The following TBC1D14 variants were observed in gnomAD, a reference collection of about 807,000 sequenced individuals.
The protein encoded by TBC1D14 is TBC1 domain family member 14, also known as TBC1 domain family, member 14.
Under a neutral mutation model 79.0 loss-of-function variants are expected in TBC1D14, and 26 were observed. The ratio of observed to expected loss-of-function variants is 0.33; its 90% confidence interval spans 0.24 to 0.46. The LOEUF is 0.46. Among genes scored for constraint, TBC1D14 ranks in the 20% least tolerant of loss-of-function variants. The probability of loss-of-function intolerance (pLI) is 1.00; values close to 1 mark genes in which losing one functional copy is unlikely to be tolerated. For missense variants in TBC1D14, 769 were observed against 887.6 expected, an observed-to-expected ratio of 0.87 and a Z score of 1.70; for synonymous variants, 394 against 349.9, an observed-to-expected ratio of 1.13 and a Z score of -1.40.
intron 3 of TBC1D14, among the ~76,000 whole-genome samples, chr4:6,977,689 A>C (rs1461724757): frequency 1.9e-4 from 17 of 89,208 alleles, no homozygotes; most frequent in South Asian, 4.7e-4. Context: ...CGTCTCTGCC[A>C]GGCCGCCATC....
At chr4:7,010,815 G>C in intron 11 of TBC1D14, 34 bp downstream of exon 11, 1 of 1,598,024 alleles carries the variant, frequency 6.3e-7, no homozygotes, top group African/African-American at 1.4e-5. Flanking sequence ...CCTGGGTACT[G>C]TGTCTTTAAA....
intron 8 of TBC1D14, among the ~76,000 whole-genome samples, chr4:7,005,401 G>C (rs942219871): frequency 6.6e-6 from 1 of 152,200 alleles, no homozygotes; most frequent in Admixed American, 6.5e-5. Context: ...CAGGTGTGGT[G>C]GTGGGTGCCT....
intron 2 of TBC1D14, among the ~76,000 whole-genome samples, chr4:6,936,288 A>G (rs184420668): frequency 2.0e-5 from 3 of 152,214 alleles, no homozygotes; most frequent in Non-Finnish European, 2.9e-5. Flanking sequence ...ACTGCCCCCA[A>G]ATCCTCTGTG....
intron 13 of TBC1D14, among the ~76,000 whole-genome samples, chr4:7,028,993 A>G (rs1722766254): frequency 6.6e-6 from 1 of 152,118 alleles, no homozygotes; most frequent in Non-Finnish European, 1.5e-5. Flanking sequence ...ATGTGCCATG[A>G]TACCCAGCCA....
chr4:7,030,265 G>C, intron 13 of TBC1D14, 62 bp from the exon 14 acceptor site: 1 of 1,542,354 alleles, frequency 6.5e-7, no homozygotes. Context: ...TCTCTGCTTC[G>C]CTGCTGTCAG....
At chr4:6,923,294 C>A in intron 1 of TBC1D14, 79 bp from the exon 2 acceptor site, 2 of 1,460,036 alleles carry the variant, frequency 1.4e-6, no homozygotes, top group Non-Finnish European at 1.8e-6. Flanking sequence ...TGAGATCAGA[C>A]CATTTCAGCT....
At chr4:6,946,011 G>A (rs1221807085) in intron 2 of TBC1D14, among the ~76,000 whole-genome samples, 1 of 152,168 alleles carries the variant, frequency 6.6e-6, no homozygotes, top group African/African-American at 2.4e-5. Flanking sequence ...AGAGGGTTCA[G>A]AGCCACCAGT....
intron 12 of TBC1D14, among the ~76,000 whole-genome samples, chr4:7,021,705 T>TA (rs758146816): frequency 2.0e-5 from 3 of 152,290 alleles, no homozygotes; most frequent in African/African-American, 7.2e-5. Flanking sequence ...TTATTACTTT[T>TA]AAAAAAATAC....
At chr4:6,964,300 C>T (rs956858838) in intron 2 of TBC1D14, among the ~76,000 whole-genome samples, 1 of 152,152 alleles carries the variant, frequency 6.6e-6, no homozygotes. Flanking sequence ...CTCCTTTCTG[C>T]ACATCCCCAC....
chr4:6,925,543 C>G (rs1724226070), intron 2 of TBC1D14, among the ~76,000 whole-genome samples: 2 of 152,142 alleles, frequency 1.3e-5, no homozygotes, highest in South Asian at 4.1e-4. Flanking sequence ...TCATCTCGGA[C>G]CAGCCTAAGG....
intron 2 of TBC1D14, among the ~76,000 whole-genome samples, chr4:6,927,950 A>G (rs1408912145): frequency 6.6e-6 from 1 of 152,202 alleles, no homozygotes; most frequent in African/African-American, 2.4e-5. Flanking sequence ...TTTATTTAGA[A>G]ACCCAGACAG....
chr4:6,994,403 A>C, intron 4 of TBC1D14, 101 bp downstream of exon 4: 1 of 987,106 alleles, frequency 1.0e-6, no homozygotes, highest in South Asian at 1.3e-5. Context: ...AGAAAAGGGG[A>C]GAAGAGTAAG....
chr4:7,017,020 G>T (rs747049696), intron 12 of TBC1D14, among the ~76,000 whole-genome samples: 4 of 152,314 alleles, frequency 2.6e-5, no homozygotes, highest in Admixed American at 6.5e-5. Context: ...CAGGCTCAGG[G>T]CGGGGTGCAC....
chr4:6,997,805 C>T (rs969691033), intron 5 of TBC1D14, among the ~76,000 whole-genome samples: 1 of 152,028 alleles, frequency 6.6e-6, no homozygotes, highest in Non-Finnish European at 1.5e-5. Flanking sequence ...TCTATGAGGT[C>T]CCTAAGAGCA....
At chr4:6,987,470 C>T (rs991783928) in intron 3 of TBC1D14, 18 of 974,068 alleles carry the variant, frequency 1.8e-5, no homozygotes, top group Admixed American at 4.2e-5. Flanking sequence ...TGCGAGTGTG[C>T]ATGTGTGCGG....
chr4:6,995,541 C>T (rs1373709834), intron 4 of TBC1D14: 1 of 148,574 alleles, frequency 6.7e-6, no homozygotes, highest in Non-Finnish European at 1.5e-5. Context: ...GAGATGGAGT[C>T]TTGCTCTGTT....
chr4:7,026,726 G>A (rs777069454), intron 13 of TBC1D14, among the ~76,000 whole-genome samples: 2 of 151,880 alleles, frequency 1.3e-5, no homozygotes, highest in Non-Finnish European at 2.9e-5. Context: ...GTGAGACCCC[G>A]TCTCTACAAA....
chr4:6,914,518 G>T (rs1362051375), intron 1 of TBC1D14, among the ~76,000 whole-genome samples: 2 of 152,116 alleles, frequency 1.3e-5, no homozygotes, highest in South Asian at 4.1e-4. Flanking sequence ...TGAGTGCCTC[G>T]GCTACTCAGG....
chr4:6,989,267 C>G (rs918102247), intron 3 of TBC1D14, among the ~76,000 whole-genome samples: 5 of 152,170 alleles, frequency 3.3e-5, no homozygotes, highest in Admixed American at 2.0e-4. Context: ...AGTCTCTCCT[C>G]TGGCTCTCCT....
Sources: allele counts gnomAD v4.1 joint callset (sites outside exome capture counted in the v4.1 genomes callset), GRCh38; gene constraint gnomAD v4.1.1; transcripts MANE v1.5; gene names NCBI Gene and HGNC (gene_info 2026-07-23, HGNC 2026-07-21).